Variants in TMEM117 observed in about 807,000 individuals in gnomAD.
TMEM117 encodes transmembrane protein 117.
In TMEM117, 27 loss-of-function variants were observed where a neutral mutation model predicts 52.4. That is an observed-to-expected ratio of 0.51 (90% confidence interval 0.38 to 0.71). TMEM117 has a LOEUF of 0.71. TMEM117 is among the 30% of genes least tolerant of loss of function. The pLI, the probability that TMEM117 is intolerant of heterozygous loss-of-function variation, is 0.00. For synonymous variants in TMEM117, 215 were observed against 206.3 expected, an observed-to-expected ratio of 1.04 and a Z score of -0.36; for missense variants, 556 against 630.5, an observed-to-expected ratio of 0.88 and a Z score of 1.26.
At chr12:43,821,076 CA>C in the TMEM117 span, among the ~76,000 whole-genome samples, 1 of 124,632 alleles carries the variant, frequency 8.0e-6, no homozygotes, top group East Asian at 2.3e-4. Context: ...GCCTGGGCAA[CA>C]AAGCAAGACT....
At chr12:43,930,636 A>G (rs959138422) in intron 2 of TMEM117, among the ~76,000 whole-genome samples, 1 of 152,184 alleles carries the variant, frequency 6.6e-6, no homozygotes, top group African/African-American at 2.4e-5. Context: ...TATGATAAAT[A>G]CACTTGCTAG....
At chr12:44,300,474 C>T (rs548480251) in intron 6 of TMEM117, among the ~76,000 whole-genome samples, 1 of 152,238 alleles carries the variant, frequency 6.6e-6, no homozygotes, top group African/African-American at 2.4e-5. Flanking sequence ...CATTGTAAGT[C>T]ACCAGACCAA....
At chr12:44,254,561 T>G (rs1001521134) in intron 5 of TMEM117, among the ~76,000 whole-genome samples, 1 of 152,046 alleles carries the variant, frequency 6.6e-6, no homozygotes, top group African/African-American at 2.4e-5. Context: ...AAAAATAAAT[T>G]TTATAATATG....
chr12:43,872,418 C>T (rs944315025), intron 2 of TMEM117, among the ~76,000 whole-genome samples: 6 of 152,168 alleles, frequency 3.9e-5, no homozygotes, highest in African/African-American at 9.7e-5. Flanking sequence ...TTTGACTGTT[C>T]GGCCAGTGGA....
intron 2 of TMEM117, among the ~76,000 whole-genome samples, chr12:43,943,379 C>T (rs1416660822): frequency 1.3e-5 from 2 of 152,044 alleles, no homozygotes; most frequent in African/African-American, 2.4e-5. Context: ...TTACCTTCCT[C>T]ATCTTTCAGG....
the TMEM117 span, among the ~76,000 whole-genome samples, chr12:43,827,852 G>T: frequency 6.6e-6 from 1 of 152,158 alleles, no homozygotes; most frequent in South Asian, 2.1e-4. Context: ...GATTTGGAGT[G>T]AGCCCTAAAC....
intron 2 of TMEM117, among the ~76,000 whole-genome samples, chr12:43,910,584 A>G (rs1421818021): frequency 6.6e-6 from 1 of 151,844 alleles, no homozygotes; most frequent in Non-Finnish European, 1.5e-5. Flanking sequence ...ATGATTGTGT[A>G]TCTAGAAAAC....
At chr12:44,061,431 A>C (rs1947136550) in intron 3 of TMEM117, among the ~76,000 whole-genome samples, 2 of 152,254 alleles carry the variant, frequency 1.3e-5, no homozygotes, top group African/African-American at 4.8e-5. Flanking sequence ...ATAAGTGAGA[A>C]AGAGAAAAGA....
intron 5 of TMEM117, among the ~76,000 whole-genome samples, chr12:44,242,025 GT>G (rs1165710193): frequency 6.6e-5 from 10 of 151,732 alleles, no homozygotes; most frequent in Admixed American, 1.3e-4. Flanking sequence ...ACGTGGCTCT[GT>G]TTCTTCCTTC....
intron 2 of TMEM117, among the ~76,000 whole-genome samples, chr12:43,854,708 C>G (rs1435372686): frequency 6.6e-6 from 1 of 152,112 alleles, no homozygotes; most frequent in Non-Finnish European, 1.5e-5. Flanking sequence ...GTGATCTCGG[C>G]TCACTGCAAC....
intron 6 of TMEM117, among the ~76,000 whole-genome samples, chr12:44,330,349 A>G (rs1951253251): frequency 6.6e-6 from 1 of 152,004 alleles, no homozygotes; most frequent in African/African-American, 2.4e-5. Flanking sequence ...CCTCCTGACT[A>G]TGCTCTAAGG....
At chr12:44,224,797 G>A (rs764475938) in intron 5 of TMEM117, among the ~76,000 whole-genome samples, 6 of 152,084 alleles carry the variant, frequency 3.9e-5, no homozygotes, top group Non-Finnish European at 5.9e-5. Context: ...GTGAGTGCAG[G>A]TGTCATTGTA....
intron 2 of TMEM117, among the ~76,000 whole-genome samples, chr12:43,868,941 A>T (rs1943657745): frequency 6.6e-6 from 1 of 152,118 alleles, no homozygotes; most frequent in Admixed American, 6.6e-5. Context: ...TAAGACTAGA[A>T]ATTTCTAGAA....
At chr12:43,998,886 C>G (rs1013146387) in intron 3 of TMEM117, among the ~76,000 whole-genome samples, 1 of 152,114 alleles carries the variant, frequency 6.6e-6, no homozygotes, top group Non-Finnish European at 1.5e-5. Context: ...GAAATATGGT[C>G]AAGAGACTTA....
At chr12:43,900,235 C>T (rs983158159) in intron 2 of TMEM117, among the ~76,000 whole-genome samples, 37 of 152,242 alleles carry the variant, frequency 2.4e-4, no homozygotes, top group African/African-American at 8.7e-4. Context: ...TTTGCCTTAA[C>T]ATCTGCTTTA....
At chr12:43,886,745 G>C (rs975142351) in intron 2 of TMEM117, among the ~76,000 whole-genome samples, 1 of 152,134 alleles carries the variant, frequency 6.6e-6, no homozygotes, top group Non-Finnish European at 1.5e-5. Flanking sequence ...ATTAAGCCTA[G>C]TACCCATTAA....
chr12:44,174,537 G>C (rs552374319), intron 4 of TMEM117, among the ~76,000 whole-genome samples: 99 of 152,108 alleles, frequency 6.5e-4, no homozygotes, highest in African/African-American at 2.3e-3. Context: ...AATTATATTT[G>C]TTACTTATCT....
intron 2 of TMEM117, among the ~76,000 whole-genome samples, chr12:43,885,830 C>A (rs960860240): frequency 7.2e-5 from 11 of 152,092 alleles, no homozygotes; most frequent in African/African-American, 2.7e-4. Context: ...CCAGTGAAGG[C>A]TTCCTGGAGA....
intron 3 of TMEM117, among the ~76,000 whole-genome samples, chr12:44,127,969 C>T (rs926190304): frequency 6.6e-6 from 1 of 152,200 alleles, no homozygotes; most frequent in Non-Finnish European, 1.5e-5. Context: ...CTCTGGAGAA[C>T]TCTGACTGAT....
Sources: allele counts gnomAD v4.1 joint callset (sites outside exome capture counted in the v4.1 genomes callset), GRCh38; gene constraint gnomAD v4.1.1; transcripts MANE v1.5; gene names NCBI Gene and HGNC (gene_info 2026-07-23, HGNC 2026-07-21).